NAALADL2: variants seen among roughly 807,000 people sequenced by gnomAD.
The protein encoded by NAALADL2 is inactive N-acetylated-alpha-linked acidic dipeptidase-like protein 2.
Under a neutral mutation model 87.2 loss-of-function variants are expected in NAALADL2, and 76 were observed. The observed-to-expected ratio is 0.87, with a 90% CI of 0.72 to 1.05. The LOEUF (loss-of-function observed/expected upper bound fraction) is 1.05. Ranked by LOEUF, NAALADL2 falls within the 50% of genes least tolerant of loss-of-function variation. The pLI, the probability that NAALADL2 is intolerant of heterozygous loss-of-function variation, is 0.00. For missense variants in NAALADL2, 1,089 were observed against 945.8 expected (o/e 1.15, Z -1.99); for synonymous variants, 354 against 331.0 (o/e 1.07, Z -0.75).
intron 1 of NAALADL2, among the ~76,000 whole-genome samples, chr3:174,943,433 C>T (rs1738918052): frequency 6.6e-6 from 1 of 152,166 alleles, no homozygotes. Flanking sequence ...GACCTGTTCC[C>T]TCTCAATACT....
At chr3:175,750,546 G>T (rs997282943) in intron 12 of NAALADL2, among the ~76,000 whole-genome samples, 1 of 152,062 alleles carries the variant, frequency 6.6e-6, no homozygotes, top group Admixed American at 6.6e-5. Context: ...TATCCTCTAC[G>T]ATAGTGAGGA....
chr3:175,073,272 G>A lies in NAALADL2; in HGVS notation c.44-23518G>A, dbSNP rs78744061. On this transcript the variant is annotated intron_variant, in intron 1 of 13. Transcript: ENST00000454872. ...TCTGAAAGGGTTAAACAGGATCAAA[G>A]TTTATATTGTTTGCTGTTAGAGTTG... Among the ~76,000 whole-genome samples the A allele has an allele frequency of 2.6e-3, 396 of 152,134 alleles. 2 individuals carry two copies. Among genetic ancestry groups the A allele is most frequent in the African/African-American group, 9.3e-3 (385 of 41,540 alleles).
At chr3:174,979,286 A>ATTTTCTTTC (rs1391422386) in intron 1 of NAALADL2, among the ~76,000 whole-genome samples, 3 of 132,636 alleles carry the variant, frequency 2.3e-5, no homozygotes, top group African/African-American at 8.8e-5. Context: ...ATCTAGTATA[A>ATTTTCTTTC]TTTTCTTTCT....
At chr3:175,708,064 T>C (rs1186128466) in intron 11 of NAALADL2, among the ~76,000 whole-genome samples, 1 of 151,828 alleles carries the variant, frequency 6.6e-6, no homozygotes, top group Non-Finnish European at 1.5e-5. Flanking sequence ...TATGGGTAAA[T>C]TCCAGAAGTG....
At chr3:175,374,344 A>G (rs948426539) in intron 5 of NAALADL2, among the ~76,000 whole-genome samples, 1 of 151,610 alleles carries the variant, frequency 6.6e-6, no homozygotes, top group African/African-American at 2.4e-5. Flanking sequence ...ATTTGAGATC[A>G]GGAGTTCAAG....
chr3:175,260,391 C>T (rs1454271968), intron 4 of NAALADL2, among the ~76,000 whole-genome samples: 1 of 152,164 alleles, frequency 6.6e-6, no homozygotes, highest in Non-Finnish European at 1.5e-5. Context: ...GTCATCTCTT[C>T]TGTTTTCTGT....
intron 1 of NAALADL2, chr3:175,081,341 C>T (rs1219745228): frequency 6.6e-6 from 1 of 152,114 alleles, no homozygotes; most frequent in Non-Finnish European, 1.5e-5. Context: ...AATTCATCAG[C>T]GTTTAGTATA....
chr3:174,888,786 T>G (rs1730518501), intron 1 of NAALADL2, among the ~76,000 whole-genome samples: 1 of 152,240 alleles, frequency 6.6e-6, no homozygotes, highest in Non-Finnish European at 1.5e-5. Context: ...ACTGTATTAT[T>G]ATGGTGCTGT....
At chr3:175,062,733 T>A (rs1238738927) in intron 1 of NAALADL2, among the ~76,000 whole-genome samples, 1 of 152,188 alleles carries the variant, frequency 6.6e-6, no homozygotes, top group Non-Finnish European at 1.5e-5. Flanking sequence ...ACTATTTAAC[T>A]ATCATATGTA....
At chr3:175,306,821 G>A (rs925466741) in intron 4 of NAALADL2, among the ~76,000 whole-genome samples, 1 of 152,110 alleles carries the variant, frequency 6.6e-6, no homozygotes, top group South Asian at 2.1e-4. Context: ...ACTCCAACCT[G>A]GAAGTCCAGA....
At chr3:175,217,445 A>C (rs1324370976) in intron 2 of NAALADL2, among the ~76,000 whole-genome samples, 3 of 152,216 alleles carry the variant, frequency 2.0e-5, no homozygotes, top group African/African-American at 7.2e-5. Context: ...CACATGTACC[A>C]AAAATTAGTT....
chr3:175,740,142 G>A (rs1443441754), intron 12 of NAALADL2, among the ~76,000 whole-genome samples: 1 of 152,126 alleles, frequency 6.6e-6, no homozygotes, highest in Non-Finnish European at 1.5e-5. Context: ...AAAAACAAGC[G>A]AATCTTATAA....
intron 12 of NAALADL2, among the ~76,000 whole-genome samples, chr3:175,752,283 A>T (rs1034690452): frequency 1.3e-5 from 2 of 152,124 alleles, no homozygotes; most frequent in Non-Finnish European, 2.9e-5. Context: ...AAAAGTATAT[A>T]AGTTAATTAT....
chr3:175,730,196 A>T (rs1743485451), intron 11 of NAALADL2, among the ~76,000 whole-genome samples: 1 of 151,590 alleles, frequency 6.6e-6, no homozygotes, highest in South Asian at 2.1e-4. Context: ...AAGGGGAGAA[A>T]ATGTACCCTA....
chr3:174,777,618 C>T (rs1715368981), intron 3 of NAALADL2, among the ~76,000 whole-genome samples: 1 of 152,204 alleles, frequency 6.6e-6, no homozygotes, highest in East Asian at 1.9e-4. Flanking sequence ...ATGAATAATG[C>T]TACATATCTG....
At position 175,778,182 on chromosome 3, in the gene NAALADL2, G is replaced by A. The variant is rs565317882; in HGVS notation, c.2189+22764G>A. ...GGGTTGAATTACTAGGGATGTGGAG[G>A]AAGGGAGTTGTTCCCTGTGAAGCAC... is the stretch of plus-strand genomic sequence containing the variant. On this transcript the variant is annotated intron_variant, in intron 13 of 13. Transcript: ENST00000454872. Among the ~76,000 whole-genome samples the A allele has an allele frequency of 2.0e-5, 3 of 152,276 alleles. No individual in the cohort carries two copies. In the East Asian group the frequency reaches 5.8e-4, roughly 29 times the overall value.
At chr3:175,141,156 G>A (rs775608245) in intron 2 of NAALADL2, among the ~76,000 whole-genome samples, 11 of 152,122 alleles carry the variant, frequency 7.2e-5, no homozygotes, top group African/African-American at 1.2e-4. Flanking sequence ...ATGGCTTCCT[G>A]TTGTTAGCTC....
At chr3:175,388,337 C>A (rs1236686792) in intron 5 of NAALADL2, among the ~76,000 whole-genome samples, 1 of 152,012 alleles carries the variant, frequency 6.6e-6, no homozygotes, top group Non-Finnish European at 1.5e-5. Context: ...AAATATATCT[C>A]CTGTCTTAGT....
At position 175,698,409 on chromosome 3, in the gene NAALADL2, ATGTATGTATACATATG is replaced by A. The variant is rs1299527389; in HGVS notation, c.1897-38895_1897-38880del. The stretch of plus-strand genomic sequence containing the variant: ...TATGTATACATATGTATGTGTATTT[ATGTATGTATACATATG>A]TATGTGTATATATTTATGTATGTAT... On this transcript the variant is annotated intron_variant, in intron 11 of 13. Transcript: ENST00000454872. Among the ~76,000 whole-genome samples, 581 of 64,764 alleles carry A rather than the reference ATGTATGTATACATATG, an allele frequency of 9.0e-3. 154 individuals are homozygous for A. Among genetic ancestry groups the A allele is most frequent in the African/African-American group, 0.069 (468 of 6,742 alleles). 42.5% of individuals were successfully genotyped at this position (64,764 alleles called of 152,430 possible).
Sources: gnomAD v4.1 joint callset for allele counts (sites outside exome capture counted in the v4.1 genomes callset) on GRCh38, gnomAD v4.1.1 for gene constraint, MANE v1.5 for transcripts, NCBI Gene and HGNC (gene_info 2026-07-23, HGNC 2026-07-21) for gene names.